The following BANP variants were observed in gnomAD, a reference collection of about 807,000 sequenced individuals.
The protein encoded by BANP is BTG3 associated nuclear protein, also known as protein BANP.
A neutral mutation model predicts 68.1 loss-of-function variants in BANP; 11 were observed. The ratio of observed to expected loss-of-function variants is 0.16; its 90% CI spans 0.10 to 0.27. The LOEUF (loss-of-function observed/expected upper bound fraction) is 0.27, where lower values mean the gene tolerates loss of function less well. Among genes scored for constraint, BANP ranks in the 10% least tolerant of loss-of-function variants. The pLI, the probability that BANP is intolerant of heterozygous loss-of-function variation, is 1.00. For synonymous variants in BANP, 329 were observed against 303.2 expected (o/e 1.09, Z -0.88); for missense variants, 504 against 722.7 (o/e 0.70, Z 3.47).
intron 1 of BANP, among the ~76,000 whole-genome samples, chr16:87,951,843 G>T (rs911515756): frequency 1.5e-4 from 23 of 152,080 alleles, no homozygotes; most frequent in Admixed American, 6.5e-4. Context: ...CCGCGGGAAG[G>T]ACCCGGAGCC....
At position 87,977,242 on chromosome 16, in the gene BANP, T is replaced by C. The variant is rs868007944; in HGVS notation, c.70+2057T>C. On this transcript the variant is annotated intron_variant, in intron 2 of 13. Transcript: ENST00000682872. ...ATCCTGGCAAACACGGTGAAGTCTC[T>C]ACTTAAAATACAAAAAAATACAAAA... Among the ~76,000 whole-genome samples, 4 of 152,122 alleles carry C rather than the reference T, an allele frequency of 2.6e-5. No homozygotes were observed. In the South Asian group the frequency reaches 6.2e-4, roughly 24 times the overall value.
intron 13 of BANP, among the ~76,000 whole-genome samples, chr16:88,073,762 G>A (rs2090980240): frequency 6.6e-6 from 1 of 152,248 alleles, no homozygotes; most frequent in Non-Finnish European, 1.5e-5. Flanking sequence ...GGCCATGCCT[G>A]AGGGCGTCCT....
At chr16:88,073,182 G>A (rs939985875) in intron 13 of BANP, among the ~76,000 whole-genome samples, 54 of 152,228 alleles carry the variant, frequency 3.5e-4, no homozygotes, top group African/African-American at 1.2e-3. Context: ...TAGAGCTCAC[G>A]CTCACCAGGG....
At chr16:87,962,606 A>G (rs1258722546) in intron 1 of BANP, among the ~76,000 whole-genome samples, 1 of 152,168 alleles carries the variant, frequency 6.6e-6, no homozygotes, top group African/African-American at 2.4e-5. Context: ...TAATATATTC[A>G]GGTTTGGAAT....
At chr16:87,978,724 C>T (rs1422111647) in intron 2 of BANP, 1 of 462,588 alleles carries the variant, frequency 2.2e-6, no homozygotes, top group South Asian at 1.6e-5. Context: ...ACAGTAATAC[C>T]AGTGTGTGAC....
chr16:88,063,825 G>C (rs985880512), intron 11 of BANP, among the ~76,000 whole-genome samples: 4 of 152,168 alleles, frequency 2.6e-5, no homozygotes, highest in African/African-American at 9.7e-5. Flanking sequence ...AGAAACCTCA[G>C]AATCTAACTT....
intron 11 of BANP, among the ~76,000 whole-genome samples, chr16:88,056,935 G>A (rs1043969466): frequency 3.9e-5 from 6 of 152,120 alleles, no homozygotes; most frequent in Admixed American, 1.3e-4. Flanking sequence ...TTAAAACTAC[G>A]GCTTACGTTC....
intron 10 of BANP, chr16:88,037,745 A>G: frequency 1.7e-6 from 1 of 589,242 alleles, no homozygotes; most frequent in Non-Finnish European, 3.1e-6. Flanking sequence ...GGGAATGAGT[A>G]CAATGCTTTT....
chr16:87,952,012 C>G (rs2057005721), intron 1 of BANP, among the ~76,000 whole-genome samples: 1 of 99,980 alleles, frequency 1.0e-5, no homozygotes, highest in Non-Finnish European at 2.0e-5. Flanking sequence ...CCAGGACTTG[C>G]ACACGCAAGG....
chr16:88,051,115 C>A (rs959608093), intron 11 of BANP, among the ~76,000 whole-genome samples: 1 of 152,260 alleles, frequency 6.6e-6, no homozygotes, highest in Non-Finnish European at 1.5e-5. Context: ...AAGCTGTTGA[C>A]CGCAGCACCC....
At position 88,029,328 on chromosome 16, in the gene BANP, A is replaced by AGC. The variant is rs1327373748; in HGVS notation, c.1063+1679_1063+1680dup. On this transcript the variant is annotated intron_variant, in intron 8 of 13. Transcript: ENST00000682872. ...TCTCAAAAAAAAAAAAAAAAAAAAA[A>AGC]GCCGGGTGCTGTGGCTCACGCATGT... Among the ~76,000 whole-genome samples, 4 of 111,456 alleles carry AGC rather than the reference A, an allele frequency of 3.6e-5. No homozygotes were observed. In the Admixed American group the frequency reaches 3.8e-4, roughly 11 times the overall value. The allele number at this position is 111,456 out of a possible 152,430, so 73.1% of individuals were successfully genotyped here. A position where few individuals can be genotyped will look rare whatever the true frequency, so the allele number is the denominator to read the frequency against.
At chr16:87,970,660 C>T (rs917941954) in intron 1 of BANP, among the ~76,000 whole-genome samples, 1 of 152,172 alleles carries the variant, frequency 6.6e-6, no homozygotes, top group African/African-American at 2.4e-5. Flanking sequence ...TGTTGATAGT[C>T]TGCTTTTCTT....
upstream of BANP, chr16:87,949,447 T>C (rs1237566483): frequency 1.3e-5 from 2 of 152,236 alleles, no homozygotes; most frequent in African/African-American, 4.8e-5. Context: ...GAATATTCTG[T>C]GTCAGCTATC....
chr16:87,973,474 G>T (rs770433968), intron 1 of BANP, among the ~76,000 whole-genome samples: 8 of 152,184 alleles, frequency 5.3e-5, no homozygotes, highest in Non-Finnish European at 1.0e-4. Flanking sequence ...AAATTCTAGA[G>T]CTGAGGCCGG....
chr16:88,052,465 G>A (rs545028491), intron 11 of BANP, among the ~76,000 whole-genome samples: 5 of 150,466 alleles, frequency 3.3e-5, no homozygotes, highest in Admixed American at 1.3e-4. Context: ...TTCTAGGACC[G>A]TTCAAGGAGT....
At chr16:87,965,385 G>C (rs191745472) in intron 1 of BANP, among the ~76,000 whole-genome samples, 2 of 151,600 alleles carry the variant, frequency 1.3e-5, no homozygotes, top group African/African-American at 4.8e-5. Flanking sequence ...AGGGAACAGA[G>C]AAATGGGGCT....
In BANP at chr16:88,003,995, A is replaced by C. The variant is rs972817439; in HGVS notation, c.363-300A>C. 4 of 360,024 alleles carry C rather than the reference A, an allele frequency of 1.1e-5. No homozygotes were observed. Among genetic ancestry groups the C allele is most frequent in the African/African-American group, 2.1e-5 (1 of 47,076 alleles). The allele number at this position is 360,024 out of a possible 1,614,324, so 22.3% of individuals were successfully genotyped here. Reference sequence around the variant, plus strand: ...GTGCGGTTGCAGTCTATTCTGTCACAAGTTCAGCATCCTCAGCCCAGCTGT... The same window carrying C: ...GTGCGGTTGCAGTCTATTCTGTCACCAGTTCAGCATCCTCAGCCCAGCTGT... On this transcript the variant is annotated intron_variant, in intron 4 of 13. Transcript: ENST00000682872. The surrounding 1 kb of genome is among the most constrained non-coding windows in gnomAD (Gnocchi z 6.1).
chr16:87,974,173 G>A (rs943590896), intron 1 of BANP, among the ~76,000 whole-genome samples: 1 of 152,138 alleles, frequency 6.6e-6, no homozygotes. Flanking sequence ...AAACATGATG[G>A]TCACATTCAT....
chr16:87,990,451 G>T (rs2065624609), intron 4 of BANP, among the ~76,000 whole-genome samples: 1 of 152,162 alleles, frequency 6.6e-6, no homozygotes, highest in African/African-American at 2.4e-5. Flanking sequence ...GTAGAGCTAG[G>T]CCTCGTTCTG....
Sources: gnomAD v4.1 joint callset for allele counts (sites outside exome capture counted in the v4.1 genomes callset) on GRCh38, gnomAD v4.1.1 for gene constraint, Gnocchi (gnomAD v3.1) non-coding constraint, MANE v1.5 for transcripts, NCBI Gene and HGNC (gene_info 2026-07-23, HGNC 2026-07-21) for gene names.